TLR5: variants seen among roughly 807,000 people sequenced by gnomAD.
The protein encoded by TLR5 is toll like receptor 5.
For synonymous variants in TLR5, 373 were observed against 384.4 expected (o/e 0.97, Z 0.35); for missense variants, 944 against 999.8 (o/e 0.94, Z 0.75).
intron 5 of TLR5, among the ~76,000 whole-genome samples, chr1:223,113,457 C>A (rs1656472691): frequency 6.6e-6 from 1 of 152,130 alleles, no homozygotes; most frequent in Admixed American, 6.5e-5. Context: ...CTGCCTGCCT[C>A]AACCTCCCAA....
rs1287417991 is a variant in TLR5, at chr1:223,111,063, T to A, written c.1969A>T (p.Ile657Phe). The A allele has an allele frequency of 6.2e-7, 1 of 1,614,052 alleles. No individual in the cohort carries two copies. Among genetic ancestry groups the A allele is most frequent in the East Asian group, 2.2e-5 (1 of 44,892 alleles). Residue 657 changes from isoleucine to phenylalanine, a missense_variant, in exon 6 of 6, where the codon ATC (isoleucine) becomes TTC (phenylalanine). Physicochemically the swap from Ile to Phe is conservative, Grantham distance 21. Transcript: ENST00000642603. ...TVTLTLFLMT[I>F]LTVTKFRGFC... ...CCCCGGAACTTTGTGACTGTGAGGA[T>A]GGTCATGAGGAACAGAGTCAGAGTG...
At chr1:223,138,878 G>A (rs1401413520) in intron 2 of TLR5, among the ~76,000 whole-genome samples, 1 of 152,200 alleles carries the variant, frequency 6.6e-6, no homozygotes, top group Admixed American at 6.5e-5. Flanking sequence ...TGTTGAGGGA[G>A]GAACCCAGTG....
At chr1:223,137,403 A>G (rs1571767546) in intron 2 of TLR5, 140 bp from the exon 3 acceptor site, 2 of 152,350 alleles carry the variant, frequency 1.3e-5, no homozygotes, top group African/African-American at 4.8e-5. Context: ...TGTAGCTCAG[A>G]GTAACTGCTA....
intron 3 of TLR5, among the ~76,000 whole-genome samples, chr1:223,136,958 G>T (rs922894499): frequency 9.9e-5 from 15 of 152,014 alleles, no homozygotes; most frequent in African/African-American, 3.4e-4. Flanking sequence ...CAAGTAGCTG[G>T]GGCTACAGGC....
chr1:223,112,002 A>G lies in TLR5; in HGVS notation c.1030T>C (p.Ser344Pro). ...TAAAGTTCCCCCAGAAGGTTATATG[A>G]CAAATTGAGAACTTGGAGGTTGTCA... ...GLDNLQVLNL[S>P]YNLLGELYSS... Residue 344 changes from serine (S) to proline (P), a missense_variant, in exon 6 of 6, where the codon TCA becomes CCA. Ser to Pro is a moderately conservative substitution (Grantham distance 74). Transcript: ENST00000642603. 6.2e-7 allele frequency: 1 copy of G among 1,614,228 alleles called. No individual in the cohort carries two copies. The highest frequency in any genetic ancestry group is 8.5e-7 in the Non-Finnish European group (1 of 1,180,036).
intron 1 of TLR5, 131 bp from the exon 2 acceptor site, chr1:223,141,894 A>G (rs1449996732): frequency 6.7e-6 from 1 of 149,254 alleles, no homozygotes; most frequent in Non-Finnish European, 1.5e-5. Flanking sequence ...ACTGCTTAGT[A>G]ATTAGCTTTA....
intron 5 of TLR5, among the ~76,000 whole-genome samples, chr1:223,119,464 T>A (rs2102890113): frequency 1.3e-5 from 2 of 152,100 alleles, no homozygotes; most frequent in Middle Eastern, 3.4e-3. Flanking sequence ...GCTCCCCAAC[T>A]GACTGATGCA....
intron 5 of TLR5, among the ~76,000 whole-genome samples, chr1:223,117,836 A>G (rs1373020226): frequency 2.0e-5 from 3 of 152,234 alleles, no homozygotes; most frequent in Admixed American, 1.3e-4. Context: ...ATGTATGTCA[A>G]TGAAAAGAGC....
chr1:223,138,941 G>C (rs1187625584), intron 2 of TLR5, among the ~76,000 whole-genome samples: 1 of 152,196 alleles, frequency 6.6e-6, no homozygotes, highest in Non-Finnish European at 1.5e-5. Context: ...CTTGTGATAA[G>C]GAATAAGTCT....
At chr1:223,117,056 CA>C (rs1306901570) in intron 5 of TLR5, among the ~76,000 whole-genome samples, 1 of 152,186 alleles carries the variant, frequency 6.6e-6, no homozygotes, top group African/African-American at 2.4e-5. Flanking sequence ...GAGCCCACCA[CA>C]GGGGGACTCG....
At chr1:223,124,381 T>C (rs549189032) in intron 5 of TLR5, among the ~76,000 whole-genome samples, 1 of 150,472 alleles carries the variant, frequency 6.6e-6, no homozygotes, top group Non-Finnish European at 1.5e-5. Flanking sequence ...AGGCAAAGGT[T>C]GTAGTGAGCC....
At position 223,110,715 on chromosome 1, in the gene TLR5, TG is replaced by T. The variant is rs1320215120; in HGVS notation, c.2316del (p.Phe772LeufsTer29). The T allele has an allele frequency of 6.2e-7, 1 of 1,614,158 alleles. No individual in the cohort carries two copies. The highest frequency in any genetic ancestry group is 8.5e-7 in the Non-Finnish European group (1 of 1,180,026). On this transcript the variant is annotated frameshift_variant, in exon 6 of 6. Coordinates refer to ENST00000642603, the MANE Select transcript of TLR5 (RefSeq NM_003268.6). LOFTEE classifies it low-confidence loss of function (END_TRUNC). ...GATAAGCACCTGCCCTGGGCATAAC[TG>T]AAGGCTTCAAGGCACCAGCCATCTC... Reference protein sequence around the residue: ...FLRDGWCLEAFSYAQGRCLSD... With the variant: ...FLRDGWCLEAXSYAQGRCLSD...
At position 223,117,098 on chromosome 1, in the gene TLR5, C is replaced by T. The variant is rs955594409; in HGVS notation, c.-4-4063G>A. On this transcript the variant is annotated intron_variant, in intron 5 of 5. Coordinates refer to ENST00000642603, the MANE Select transcript of TLR5 (RefSeq NM_003268.6). Reference sequence around the variant, plus strand: ...GGCGGGCTGCAGGTCCCGAGCCCTGCCCTGCAGGCAGGCGGCTGAGGCCCG... The same window carrying T: ...GGCGGGCTGCAGGTCCCGAGCCCTGTCCTGCAGGCAGGCGGCTGAGGCCCG... 7.7e-4 allele frequency among the ~76,000 whole-genome samples: 118 copies of T among 152,282 alleles called. 1 individual carries two copies. Among genetic ancestry groups the T allele is most frequent in the Non-Finnish European group, 1.3e-3 (88 of 68,012 alleles).
At position 223,131,970 on chromosome 1, in the gene TLR5, T is replaced by C. The variant is rs1324487460; in HGVS notation, c.-5+505A>G. Among the ~76,000 whole-genome samples the C allele has an allele frequency of 1.3e-5, 2 of 152,150 alleles. No individual in the cohort carries two copies. Among genetic ancestry groups the C allele is most frequent in the African/African-American group, 4.8e-5 (2 of 41,422 alleles). ...ATATTATGCCTTCTCCACTAGATTG[T>C]AAGTCTTGAGGGGCAGGCACTCAGT... On this transcript the variant is annotated intron_variant, in intron 5 of 5. Transcript: ENST00000642603. The surrounding 1 kb of genome is among the most constrained non-coding windows in gnomAD (Gnocchi z 4.2).
At chr1:223,140,878 T>C (rs1657811334) in intron 2 of TLR5, among the ~76,000 whole-genome samples, 1 of 152,232 alleles carries the variant, frequency 6.6e-6, no homozygotes, top group Non-Finnish European at 1.5e-5. Flanking sequence ...TGCGCTCTAA[T>C]TGTTTCACAG....
intron 5 of TLR5, among the ~76,000 whole-genome samples, chr1:223,130,770 T>C (rs1448549583): frequency 1.3e-5 from 2 of 152,228 alleles, no homozygotes; most frequent in South Asian, 2.1e-4. Flanking sequence ...TTTAGGGCTA[T>C]AGCCATTCTG....
rs1315196136 is a variant in TLR5, at chr1:223,110,989, G to A, written c.2043C>T (p.Asp681=). The change falls in exon 6 of 6, where the codon GAC becomes GAT. Residue 681 remains aspartate (D), a synonymous_variant. Transcript: ENST00000642603. ...TATCAGGTTCTGTGCCCTGGGGATG[G>A]TCCTTGAACACCAGTCTCTGGGCTG... ...YKTAQRLVFK[D]HPQGTEPDMY... 2 of 1,614,108 alleles carry A rather than the reference G, an allele frequency of 1.2e-6. No homozygotes were observed. Among genetic ancestry groups the A allele is most frequent in the Admixed American group, 1.7e-5 (1 of 60,008 alleles).
intron 5 of TLR5, among the ~76,000 whole-genome samples, chr1:223,113,353 G>T (rs764201677): frequency 6.6e-6 from 1 of 151,998 alleles, no homozygotes; most frequent in Non-Finnish European, 1.5e-5. Context: ...CTACAGGCAC[G>T]TGCCACTGTA....
At chr1:223,137,949 A>ACTTTTTT (rs1558134511) in intron 2 of TLR5, among the ~76,000 whole-genome samples, 1 of 69,168 alleles carries the variant, frequency 1.4e-5, no homozygotes, top group Non-Finnish European at 2.6e-5. Flanking sequence ...TGGCTTTTTA[A>ACTTTTTT]ATTTTTTTTT....
Sources: gnomAD v4.1 joint callset for allele counts (sites outside exome capture counted in the v4.1 genomes callset) on GRCh38, gnomAD v4.1.1 for gene constraint, Gnocchi (gnomAD v3.1) non-coding constraint, MANE v1.5 for transcripts, NCBI Gene and HGNC (gene_info 2026-07-23, HGNC 2026-07-21) for gene names.